The following LARS2 variants were observed in gnomAD, a reference collection of about 807,000 sequenced individuals.
LARS2 encodes leucine--tRNA ligase, mitochondrial.
In LARS2, 81 loss-of-function variants were observed where a neutral mutation model predicts 116.6. The observed-to-expected ratio is 0.69, with a 90% confidence interval of 0.58 to 0.84. The LOEUF is 0.84. LARS2 is among the 40% of genes least tolerant of loss of function. The pLI is 0.00. For synonymous variants in LARS2, 396 were observed against 407.2 expected, an observed-to-expected ratio of 0.97 and a Z score of 0.33; for missense variants, 968 against 1,114.5, an observed-to-expected ratio of 0.87 and a Z score of 1.87.
At chr3:45,425,104 T>G (rs1231957111) in intron 6 of LARS2, among the ~76,000 whole-genome samples, 4 of 152,312 alleles carry the variant, frequency 2.6e-5, no homozygotes, top group African/African-American at 9.6e-5. Context: ...TCTATTTTCC[T>G]TCTTGTTTTT....
chr3:45,491,717 C>T lies in LARS2; in HGVS notation c.1440C>T (p.Thr480=). The change falls in exon 13 of 22, where the codon ACC becomes ACT. Residue 480 remains threonine (T), a synonymous_variant. Coordinates refer to ENST00000645846, the MANE Select transcript of LARS2 (RefSeq NM_015340.4). ...TPVPLEDLPV[T]LPNIASFTGK... ...TGCCCCTGGAGGACTTGCCTGTGAC[C>T]CTGCCCAACATCGCGTCTTTCACTG... 4 of 1,613,828 alleles carry T rather than the reference C, an allele frequency of 2.5e-6. No homozygotes were observed. Among genetic ancestry groups the T allele is most frequent in the Non-Finnish European group, 3.4e-6 (4 of 1,179,740 alleles).
At chr3:45,519,539 C>T (rs753668907) in intron 18 of LARS2, among the ~76,000 whole-genome samples, 5 of 149,168 alleles carry the variant, frequency 3.4e-5, no homozygotes, top group Admixed American at 1.3e-4. Flanking sequence ...TTCTAAAAAC[C>T]GTCACTGTGA....
chr3:45,393,408 C>T lies in LARS2; in HGVS notation c.-21-1025C>T, dbSNP rs1575225381. 2.0e-5 allele frequency among the ~76,000 whole-genome samples: 3 copies of T among 152,070 alleles called. No homozygotes were observed. In the East Asian group the frequency reaches 5.8e-4, roughly 29 times the overall value. On this transcript the variant is annotated intron_variant, in intron 2 of 21. Coordinates refer to ENST00000645846, the MANE Select transcript of LARS2 (RefSeq NM_015340.4). ...TGGCCAACATGGTGAAACCCCATCT[C>T]CACTAAAAATACGAAAATTAGCCGG...
chr3:45,520,934 T>C (rs1182428603), intron 19 of LARS2, among the ~76,000 whole-genome samples: 1 of 152,208 alleles, frequency 6.6e-6, no homozygotes, highest in Non-Finnish European at 1.5e-5. Flanking sequence ...ATGCCTGTAA[T>C]CTCAACGCTT....
intron 20 of LARS2, among the ~76,000 whole-genome samples, chr3:45,526,152 A>G (rs964820836): frequency 6.6e-6 from 1 of 152,216 alleles, no homozygotes; most frequent in Non-Finnish European, 1.5e-5. Flanking sequence ...CACATTTTGA[A>G]TCTTTAAGGG....
At chr3:45,506,186 G>A (rs979326924) in intron 15 of LARS2, among the ~76,000 whole-genome samples, 2 of 152,104 alleles carry the variant, frequency 1.3e-5, no homozygotes, top group African/African-American at 4.8e-5. Flanking sequence ...TACTGAAAAG[G>A]CTGACCTTTG....
chr3:45,529,023 C>T (rs1700576025), intron 20 of LARS2, among the ~76,000 whole-genome samples: 1 of 152,082 alleles, frequency 6.6e-6, no homozygotes, highest in African/African-American at 2.4e-5. Flanking sequence ...CACCTGCCAC[C>T]ACGCCTGGCT....
chr3:45,411,340 T>C (rs1029430640), intron 4 of LARS2, among the ~76,000 whole-genome samples: 5 of 152,266 alleles, frequency 3.3e-5, no homozygotes, highest in African/African-American at 9.6e-5. Context: ...AGAGCAGTTA[T>C]GCACCCGAGG....
chr3:45,503,503 G>T (rs148566865), intron 15 of LARS2, among the ~76,000 whole-genome samples: 6 of 152,172 alleles, frequency 3.9e-5, no homozygotes, highest in Admixed American at 3.9e-4. Context: ...GCTATGCCCA[G>T]GGTGGAAGCT....
In LARS2 at chr3:45,513,213, G is replaced by C; in HGVS notation, c.1839G>C (p.Gln613His). ...GCCTACCATCTGGACAGTATCTACAGAGAGAGGAAGTGGATCTCACAGGTA... is the reference window on the plus strand; with the variant it reads ...GCCTACCATCTGGACAGTATCTACACAGAGAGGAAGTGGATCTCACAGGTA... ...TFRLPSGQYL[Q>H]REEVDLTGSV... The change falls in exon 16 of 22, where the codon CAG (glutamine) becomes CAC (histidine). Residue 613 changes from glutamine to histidine, a missense_variant. Physicochemically the swap from Gln to His is conservative, Grantham distance 24. Coordinates refer to ENST00000645846, the MANE Select transcript of LARS2 (RefSeq NM_015340.4). 1 of 1,612,038 alleles carries C rather than the reference G, an allele frequency of 6.2e-7. No individual in the cohort carries two copies. The highest frequency in any genetic ancestry group is 2.2e-5 in the East Asian group (1 of 44,878).
intron 20 of LARS2, among the ~76,000 whole-genome samples, chr3:45,533,317 A>AT (rs1410414098): frequency 6.6e-6 from 1 of 151,344 alleles, no homozygotes. Flanking sequence ...TACCCAGCTA[A>AT]TTTTTTGTAT....
chr3:45,408,503 A>ACTCC (rs1417652356), intron 4 of LARS2, among the ~76,000 whole-genome samples: 1 of 151,970 alleles, frequency 6.6e-6, no homozygotes, highest in African/African-American at 2.4e-5. Context: ...AGAAGGGCTG[A>ACTCC]CTCCTGCAGG....
At chr3:45,484,620 A>T (rs1163300436) in intron 10 of LARS2, among the ~76,000 whole-genome samples, 496 of 13,786 alleles carry the variant, frequency 0.036, 15 homozygotes, top group East Asian at 0.14. Context: ...AAAAAAAAAA[A>T]AAAAAAAAAA....
chr3:45,443,572 C>T (rs1452275140), intron 6 of LARS2, among the ~76,000 whole-genome samples: 1 of 152,048 alleles, frequency 6.6e-6, no homozygotes, highest in Non-Finnish European at 1.5e-5. Context: ...GGTGGCTGGG[C>T]CCTGTGTGCA....
chr3:45,437,333 T>G (rs745782935), intron 6 of LARS2, among the ~76,000 whole-genome samples: 53 of 152,228 alleles, frequency 3.5e-4, no homozygotes, highest in Non-Finnish European at 6.3e-4. Context: ...AGGAACATAT[T>G]GCATAAAAAT....
chr3:45,438,944 G>A (rs934960253), intron 6 of LARS2, among the ~76,000 whole-genome samples: 3 of 152,078 alleles, frequency 2.0e-5, no homozygotes, highest in Non-Finnish European at 4.4e-5. Flanking sequence ...AATTGCTGGG[G>A]GATTTGTTAG....
rs769765008 is a variant in LARS2 at position 45,548,474 on chromosome 3, A to C, written c.*944A>C. On this transcript the variant is annotated 3_prime_UTR_variant, in exon 22 of 22. Coordinates refer to ENST00000645846, the MANE Select transcript of LARS2 (RefSeq NM_015340.4). Reference sequence around the variant, plus strand: ...TGATGTGACTCCAGAGCCAGTTATTAGGAAGAGCAAGCTCACCACAGAGGA... The same window carrying C: ...TGATGTGACTCCAGAGCCAGTTATTCGGAAGAGCAAGCTCACCACAGAGGA... The C allele has an allele frequency of 2.0e-5, 3 of 152,270 alleles. No homozygotes were observed. Among genetic ancestry groups the C allele is most frequent in the African/African-American group, 7.2e-5 (3 of 41,460 alleles). The allele number at this position is 152,270 out of a possible 1,614,324, so 9.4% of individuals were successfully genotyped here.
At chr3:45,451,520 T>A (rs1699128534) in intron 7 of LARS2, among the ~76,000 whole-genome samples, 1 of 152,186 alleles carries the variant, frequency 6.6e-6, no homozygotes, top group South Asian at 2.1e-4. Context: ...TGTAAGTGCA[T>A]GGATTTATAT....
intron 14 of LARS2, among the ~76,000 whole-genome samples, chr3:45,497,938 G>A (rs1322701520): frequency 1.3e-5 from 2 of 152,114 alleles, no homozygotes; most frequent in Admixed American, 6.5e-5. Flanking sequence ...AGAAATGAGG[G>A]GGATCCTGAG....
Sources: gnomAD v4.1 joint callset for allele counts (sites outside exome capture counted in the v4.1 genomes callset) on GRCh38, gnomAD v4.1.1 for gene constraint, MANE v1.5 for transcripts, NCBI Gene and HGNC (gene_info 2026-07-23, HGNC 2026-07-21) for gene names.